Variants in KLF7 observed in about 807,000 individuals in gnomAD.
KLF7 encodes Krueppel-like factor 7.
Under a neutral mutation model 27.3 loss-of-function variants are expected in KLF7, and 2 were observed. The ratio of observed to expected loss-of-function variants is 0.07; its 90% CI spans 0.03 to 0.23. KLF7 has a LOEUF of 0.23. Ranked by LOEUF, KLF7 falls within the 10% of genes least tolerant of loss-of-function variation. The pLI is 1.00. For missense variants in KLF7, 221 were observed against 394.1 expected (o/e 0.56, Z 3.72); for synonymous variants, 165 against 162.4 (o/e 1.02, Z -0.12).
At chr2:207,084,520 T>C (rs981368433) in intron 3 of KLF7, among the ~76,000 whole-genome samples, 3 of 152,158 alleles carry the variant, frequency 2.0e-5, no homozygotes, top group Non-Finnish European at 2.9e-5. Flanking sequence ...ATGAGCATCA[T>C]TATTTGTTCA....
At chr2:207,159,330 C>T (rs2078476104) in intron 1 of KLF7, among the ~76,000 whole-genome samples, 1 of 152,168 alleles carries the variant, frequency 6.6e-6, no homozygotes, top group African/African-American at 2.4e-5. Flanking sequence ...CACAACAGAA[C>T]TTAGTAAATC....
At chr2:207,090,154 G>A (rs533001990) in intron 2 of KLF7, among the ~76,000 whole-genome samples, 5 of 152,204 alleles carry the variant, frequency 3.3e-5, no homozygotes, top group East Asian at 1.9e-4. Flanking sequence ...CGAGAAACAC[G>A]GGCATTTCTT....
At chr2:207,128,204 T>C (rs1319581470) in intron 1 of KLF7, among the ~76,000 whole-genome samples, 3 of 152,218 alleles carry the variant, frequency 2.0e-5, no homozygotes, top group Non-Finnish European at 4.4e-5. Flanking sequence ...GATGAAGTCA[T>C]GTCAGAAAGA....
chr2:207,123,626 T>C (rs2077397825), intron 2 of KLF7, 148 bp downstream of exon 2: 1 of 807,566 alleles, frequency 1.2e-6, no homozygotes, highest in African/African-American at 1.7e-5. Flanking sequence ...AAGTGAGTCA[T>C]TCTTTGTCCC....
At chr2:207,146,840 GCTTGGGGC>G (rs924633069) in intron 1 of KLF7, among the ~76,000 whole-genome samples, 4 of 152,232 alleles carry the variant, frequency 2.6e-5, no homozygotes, top group Non-Finnish European at 5.9e-5. Flanking sequence ...GGGGGAAGCA[GCTTGGGGC>G]CAGAACATGA....
In KLF7 at chr2:207,145,027, A is replaced by G. The variant is rs375292317; in HGVS notation, c.102+20440T>C. 7.7e-4 allele frequency among the ~76,000 whole-genome samples: 118 copies of G among 152,364 alleles called. 4 individuals are homozygous for G. The South Asian group carries it at 0.022, about 29-fold the overall frequency. ...TTTTAGTTATTATTCACATTTGTCA[A>G]CAGGGACAGTGACAACTCACCAGTC... On this transcript the variant is annotated intron_variant, in intron 1 of 3. Coordinates refer to ENST00000309446, the MANE Select transcript of KLF7 (RefSeq NM_003709.4).
rs1457717292 is a variant in KLF7 at position 207,080,646 on chromosome 2, C to A, written c.*567G>T. 5.1e-6 allele frequency: 2 copies of A among 393,902 alleles called. No individual in the cohort carries two copies. The highest frequency in any genetic ancestry group is 8.9e-6 in the Non-Finnish European group (2 of 223,594). The allele number at this position is 393,902 out of a possible 1,614,324, so 24.4% of individuals were successfully genotyped here. A position where few individuals can be genotyped will look rare whatever the true frequency, so the allele number is the denominator to read the frequency against. ...ACGCACGGAATAGTAGGACTTTTCA[C>A]ACACAAAGGACAAATAAACCAAGAG... On this transcript the variant is annotated 3_prime_UTR_variant, in exon 4 of 4. Transcript: ENST00000309446.
At chr2:207,171,182 G>A (rs1034207587), upstream of KLF7, among the ~76,000 whole-genome samples, 1 of 151,690 alleles carries the variant, frequency 6.6e-6, no homozygotes, top group Non-Finnish European at 1.5e-5. Flanking sequence ...AGTGGAGAAA[G>A]TAACTGCAGA....
Position 207,095,031 on chromosome 2 carries a change from C to CTTT in KLF7, c.734-6453_734-6451dup, listed in dbSNP as rs36091471. 2.5e-3 allele frequency among the ~76,000 whole-genome samples: 207 copies of CTTT among 82,426 alleles called. 2 individuals are homozygous for CTTT. Among genetic ancestry groups the CTTT allele is most frequent in the Non-Finnish European group, 2.7e-3 (127 of 46,454 alleles). 54.1% of individuals were successfully genotyped at this position (82,426 alleles called of 152,430 possible). On this transcript the variant is annotated intron_variant, in intron 2 of 3. Coordinates refer to ENST00000309446, the MANE Select transcript of KLF7 (RefSeq NM_003709.4). ...AACATTTGCCCTATTTGTTTTTATT[C>CTTT]TTTTTTTTTTTTTTTTTTTTTTTTT... is the stretch of plus-strand genomic sequence containing the variant.
intron 3 of KLF7, among the ~76,000 whole-genome samples, chr2:207,085,716 T>G (rs923272347): frequency 2.6e-5 from 4 of 152,180 alleles, no homozygotes; most frequent in Admixed American, 6.5e-5. Context: ...CAAAGAAGTA[T>G]AGCTCTTCTT....
At chr2:207,133,931 G>GT in intron 1 of KLF7, 2 of 547,008 alleles carry the variant, frequency 3.7e-6, no homozygotes, top group Non-Finnish European at 6.0e-6. Context: ...GAAAAACACA[G>GT]TAACAGGGAA....
intron 1 of KLF7, among the ~76,000 whole-genome samples, chr2:207,127,727 C>T (rs1255924992): frequency 1.3e-5 from 2 of 152,006 alleles, no homozygotes; most frequent in African/African-American, 4.8e-5. Context: ...CCTGTAATCC[C>T]AGCTACTCGG....
chr2:207,081,117 G>A lies in KLF7; in HGVS notation c.*96C>T. The A allele has an allele frequency of 8.9e-6, 9 of 1,014,554 alleles. No homozygotes were observed. The highest frequency in any genetic ancestry group is 1.4e-5 in the Non-Finnish European group (9 of 638,068). The allele number at this position is 1,014,554 out of a possible 1,614,324, so 62.8% of individuals were successfully genotyped here. A position where few individuals can be genotyped will look rare whatever the true frequency, so the allele number is the denominator to read the frequency against. ...TTTATAAGTGAGAACTTTCTTCTGC[G>A]AGGCAATGGGTCCCCGCCTGAAGTC... On this transcript the variant is annotated 3_prime_UTR_variant, in exon 4 of 4. Coordinates refer to ENST00000309446, the MANE Select transcript of KLF7 (RefSeq NM_003709.4).
intron 1 of KLF7, among the ~76,000 whole-genome samples, chr2:207,134,394 C>T (rs1025746987): frequency 2.0e-5 from 3 of 152,026 alleles, no homozygotes; most frequent in African/African-American, 4.8e-5. Flanking sequence ...ATTGGGCCCT[C>T]GGTGGCAGAT....
At chr2:207,168,457 A>C (rs2106167795), upstream of KLF7, among the ~76,000 whole-genome samples, 1 of 152,318 alleles carries the variant, frequency 6.6e-6, no homozygotes, top group South Asian at 2.1e-4. Context: ...CACAACCTGG[A>C]AGTGGTCAAG....
intron 2 of KLF7, among the ~76,000 whole-genome samples, chr2:207,104,260 T>C (rs1468626277): frequency 3.9e-5 from 6 of 152,238 alleles, no homozygotes; most frequent in Non-Finnish European, 5.9e-5. Flanking sequence ...TGTATGAATA[T>C]ACGAGTGGCA....
chr2:207,086,123 C>G (rs2076382642), intron 3 of KLF7, among the ~76,000 whole-genome samples: 1 of 152,038 alleles, frequency 6.6e-6, no homozygotes, highest in African/African-American at 2.4e-5. Context: ...CTAAATAGGG[C>G]AGTGTAATTG....
At chr2:207,110,310 C>A (rs1352184867) in intron 2 of KLF7, among the ~76,000 whole-genome samples, 1 of 152,190 alleles carries the variant, frequency 6.6e-6, no homozygotes, top group East Asian at 1.9e-4. Context: ...CAAATGCCAG[C>A]GCAATATACA....
upstream of KLF7, chr2:207,166,920 T>G (rs1437150525): frequency 8.0e-6 from 8 of 995,396 alleles, no homozygotes; most frequent in African/African-American, 3.5e-5. Flanking sequence ...TTGCGCACAG[T>G]CCCCGCCCCG....
Sources: gnomAD v4.1 joint callset for allele counts (sites outside exome capture counted in the v4.1 genomes callset) on GRCh38, gnomAD v4.1.1 for gene constraint, MANE v1.5 for transcripts, NCBI Gene and HGNC (gene_info 2026-07-23, HGNC 2026-07-21) for gene names.